The following TRRAP variants were observed in gnomAD, a reference collection of about 807,000 sequenced individuals.
TRRAP encodes the protein transformation/transcription domain associated protein, also known as transformation/transcription domain-associated protein.
A neutral mutation model predicts 438.8 loss-of-function variants in TRRAP; 41 were observed. That is an observed-to-expected ratio of 0.09 (90% CI 0.07 to 0.12). The LOEUF is 0.12. Among genes scored for constraint, TRRAP ranks in the 10% least tolerant of loss-of-function variants. The pLI is 1.00. For synonymous variants in TRRAP, 1,994 were observed against 1,962.9 expected (o/e 1.02, Z -0.42); for missense variants, 3,122 against 5,055.1 (o/e 0.62, Z 11.60).
In TRRAP at chr7:98,910,258, C is replaced by A. The variant is rs1465080095; in HGVS notation, c.1553C>A (p.Pro518His). The A allele has an allele frequency of 5.7e-6, 9 of 1,577,500 alleles. No individual in the cohort carries two copies. The highest frequency in any genetic ancestry group is 3.6e-4 in the Middle Eastern group (2 of 5,520). Residue 518 changes from proline to histidine, a missense_variant, in exon 15 of 73, where the codon CCT becomes CAT. Transcript: ENST00000456197. ...CCGCCCCCACCCCCACCTGCCACCCCTGTGACCCCGGCCCCCGTGCCTCCC... is the reference window on the plus strand; with the variant it reads ...CCGCCCCCACCCCCACCTGCCACCCATGTGACCCCGGCCCCCGTGCCTCCC... ...PPPPPPPPATPVTPAPVPPFE... is the reference protein window; with the variant it reads ...PPPPPPPPATHVTPAPVPPFE...
intron 60 of TRRAP, 24 bp downstream of exon 60, chr7:98,983,483 C>T: frequency 6.2e-7 from 1 of 1,613,194 alleles, no homozygotes; most frequent in Non-Finnish European, 8.5e-7. Context: ...GTCCGGCATG[C>T]ATTCATCATG....
intron 31 of TRRAP, among the ~76,000 whole-genome samples, chr7:98,943,689 T>C (rs782216118): frequency 5.9e-5 from 9 of 152,246 alleles, no homozygotes; most frequent in Non-Finnish European, 8.8e-5. Flanking sequence ...TTCTGCTGTT[T>C]TAAATCTAAT....
At chr7:98,903,760 T>C (rs1796580106) in intron 12 of TRRAP, among the ~76,000 whole-genome samples, 1 of 152,210 alleles carries the variant, frequency 6.6e-6, no homozygotes, top group African/African-American at 2.4e-5. Flanking sequence ...AGAGGTTTTA[T>C]GGACTTACAG....
chr7:98,899,808 C>G, intron 10 of TRRAP, 41 bp downstream of exon 10: 2 of 1,596,308 alleles, frequency 1.3e-6, no homozygotes, highest in East Asian at 2.2e-5. Context: ...TGCCTGGATT[C>G]CAAGTAAAAA....
In TRRAP at chr7:98,931,327, C is replaced by T. The variant is rs1006800374; in HGVS notation, c.3592-78C>T. ...TGGACCCCAGTGACAGTCTTTATGG[C>T]AGACAGGTGTGCAGGAGACGGCAGT... On this transcript the variant is annotated intron_variant, in intron 25 of 72. Transcript: ENST00000456197. The T allele has an allele frequency of 1.0e-5, 16 of 1,558,950 alleles. No homozygotes were observed. The East Asian group carries it at 2.0e-4, about 20-fold the overall frequency.
Position 98,933,285 on chromosome 7 carries a change from C to T in TRRAP, c.3897C>T (p.His1299=). 6.2e-7 allele frequency: 1 copy of T among 1,614,152 alleles called. No individual in the cohort carries two copies. Residue 1299 remains histidine, a synonymous_variant, in exon 27 of 73, where the codon CAC becomes CAT. Coordinates refer to ENST00000456197, the MANE Select transcript of TRRAP (RefSeq NM_001375524.1). ...MVPPKKHLLR[H]QPANAQIGLM... ...CCCCTAAGAAGCACCTGCTCCGACA[C>T]CAGCCTGCCAACGCACAGATTGGCC...
intron 62 of TRRAP, among the ~76,000 whole-genome samples, chr7:98,985,973 A>G (rs1157599730): frequency 6.6e-6 from 1 of 152,114 alleles, no homozygotes; most frequent in Non-Finnish European, 1.5e-5. Flanking sequence ...TCTCTTGACA[A>G]CTACTAATGT....
Position 98,917,658 on chromosome 7 carries a change from G to A in TRRAP, c.2601G>A (p.Pro867=), listed in dbSNP as rs55865120. 3.3e-4 allele frequency: 530 copies of A among 1,614,112 alleles called. 1 individual carries two copies. The African/African-American group carries it at 4.8e-3, about 15-fold the overall frequency. ...QPDFLYDHIQ[P]VRAELMQALW... is the part of the protein sequence containing the mutation. ...ACTTCCTCTACGACCACATCCAGCC[G>A]GTGCGCGCAGAGCTCATGCAGGTAG... The change falls in exon 20 of 73, where the codon CCG becomes CCA. Residue 867 remains proline (P), a synonymous_variant. Coordinates refer to ENST00000456197, the MANE Select transcript of TRRAP (RefSeq NM_001375524.1).
In TRRAP at chr7:98,953,031, T is replaced by TTGTGTG. The variant is rs57047314; in HGVS notation, c.5464-92_5464-87dup. 2.8e-4 allele frequency: 329 copies of TTGTGTG among 1,170,020 alleles called. 1 individual carries two copies. In the African/African-American group the frequency reaches 3.0e-3, roughly 11 times the overall value. The allele number at this position is 1,170,020 out of a possible 1,614,324, so 72.5% of individuals were successfully genotyped here. A position where few individuals can be genotyped will look rare whatever the true frequency, so the allele number is the denominator to read the frequency against. On this transcript the variant is annotated intron_variant, in intron 39 of 72. Transcript: ENST00000456197. ...CCTCCTTGTAAAACTTCATGTTACA[T>TTGTGTG]TGTGTGTGTGTGTGTGTGTGTGTGT... is the stretch of plus-strand genomic sequence containing the variant.
intron 24 of TRRAP, 108 bp from the exon 25 acceptor site, chr7:98,930,525 C>T: frequency 2.1e-6 from 3 of 1,415,268 alleles, no homozygotes; most frequent in Non-Finnish European, 2.9e-6. Flanking sequence ...TTGCGGTGAG[C>T]CGAGATCACA....
At chr7:98,995,221 T>TGGTGAGCCGGTGGGAGATGGGGCCG (rs1793597280) in intron 67 of TRRAP, among the ~76,000 whole-genome samples, 2 of 151,818 alleles carry the variant, frequency 1.3e-5, no homozygotes, top group Non-Finnish European at 2.9e-5. Flanking sequence ...GACAGAGTCC[T>TGGTGAGCCGGTGGGAGATGGGGCCG]GGTGAGCCGG....
At position 98,988,881 on chromosome 7, in the gene TRRAP, T is replaced by C; in HGVS notation, c.9506T>C (p.Leu3169Pro). 1 of 1,614,190 alleles carries C rather than the reference T, an allele frequency of 6.2e-7. No homozygotes were observed. Among genetic ancestry groups the C allele is most frequent in the Non-Finnish European group, 8.5e-7 (1 of 1,180,028 alleles). ...AACATCTTTGTGAAGGAGCGGCAGC[T>C]GCACCTGGGCGTGTCTGCCATCACC... ...LENIFVKERQ[L>P]HLGVSAITCY... The change falls in exon 63 of 73, where the codon CTG becomes CCG. Residue 3169 changes from leucine to proline, a missense_variant. Coordinates refer to ENST00000456197, the MANE Select transcript of TRRAP (RefSeq NM_001375524.1).
intron 65 of TRRAP, among the ~76,000 whole-genome samples, chr7:98,992,775 C>T (rs760163819): frequency 6.6e-6 from 1 of 152,074 alleles, no homozygotes; most frequent in East Asian, 1.9e-4. Flanking sequence ...AATAATGAGA[C>T]GACCGTTTAC....
At chr7:98,958,354 G>A (rs539077917) in intron 44 of TRRAP, among the ~76,000 whole-genome samples, 1 of 151,968 alleles carries the variant, frequency 6.6e-6, no homozygotes, top group African/African-American at 2.4e-5. Context: ...CCAGGCTGGA[G>A]TGCAGTGGTG....
rs1249313141 is a variant in TRRAP at position 98,908,993 on chromosome 7, C to T, written c.1350+31C>T. 1 of 1,584,092 alleles carries T rather than the reference C, an allele frequency of 6.3e-7. No individual in the cohort carries two copies. The highest frequency in any genetic ancestry group is 1.3e-5 in the African/African-American group (1 of 74,160). On this transcript the variant is annotated intron_variant, in intron 14 of 72. Coordinates refer to ENST00000456197, the MANE Select transcript of TRRAP (RefSeq NM_001375524.1). This position sits in a 1 kb window ranked among gnomAD's most constrained non-coding sequence, Gnocchi z 4.1. Reference sequence around the variant, plus strand: ...AGCTCTTCTGAGAGTATCATCCATCCTGCACTCTATCCTGTTTGTGGCTAA... The same window carrying T: ...AGCTCTTCTGAGAGTATCATCCATCTTGCACTCTATCCTGTTTGTGGCTAA...
intron 58 of TRRAP, among the ~76,000 whole-genome samples, chr7:98,979,833 A>G (rs1049732692): frequency 6.6e-6 from 1 of 152,248 alleles, no homozygotes; most frequent in African/African-American, 2.4e-5. Context: ...GGTAATCTGC[A>G]CTAAATTAAT....
intron 58 of TRRAP, among the ~76,000 whole-genome samples, chr7:98,979,295 G>A (rs974620034): frequency 6.6e-5 from 10 of 152,078 alleles, no homozygotes; most frequent in African/African-American, 2.2e-4. Context: ...CAAAATCCAC[G>A]GACACTCAAG....
At chr7:98,901,372 T>A (rs1274831723) in intron 11 of TRRAP, among the ~76,000 whole-genome samples, 1 of 152,206 alleles carries the variant, frequency 6.6e-6, no homozygotes, top group African/African-American at 2.4e-5. Context: ...CTGAAGACTC[T>A]GTGTCCAGAT....
intron 48 of TRRAP, among the ~76,000 whole-genome samples, chr7:98,965,385 T>C (rs1385284290): frequency 6.6e-6 from 1 of 151,944 alleles, no homozygotes; most frequent in Non-Finnish European, 1.5e-5. Flanking sequence ...GCAGGGGCTG[T>C]GGTGGGCATG....
Sources: allele counts gnomAD v4.1 joint callset (sites outside exome capture counted in the v4.1 genomes callset), GRCh38; gene constraint gnomAD v4.1.1; non-coding constraint Gnocchi (gnomAD v3.1); transcripts MANE v1.5; gene names NCBI Gene and HGNC (gene_info 2026-07-23, HGNC 2026-07-21).